The following KCNIP4 variants were observed in gnomAD, a reference collection of about 807,000 sequenced individuals.
The protein encoded by KCNIP4 is potassium voltage-gated channel interacting protein 4, also known as Kv channel-interacting protein 4.
In KCNIP4, 12 loss-of-function variants were observed where a neutral mutation model predicts 34.0. The observed-to-expected ratio is 0.35, with a 90% CI of 0.23 to 0.57. The LOEUF (loss-of-function observed/expected upper bound fraction) is 0.57. Ranked by LOEUF, KCNIP4 falls within the 20% of genes least tolerant of loss-of-function variation. The pLI is 0.83. For synonymous variants in KCNIP4, 124 were observed against 102.2 expected (o/e 1.21, Z -1.29); for missense variants, 238 against 311.7 (o/e 0.76, Z 1.78).
intron 1 of KCNIP4, among the ~76,000 whole-genome samples, chr4:21,463,929 A>G (rs997983971): frequency 6.6e-5 from 10 of 152,026 alleles, no homozygotes; most frequent in Non-Finnish European, 1.0e-4. Flanking sequence ...ACTTTGAATC[A>G]ATGGTGGTTG....
At chr4:21,075,236 G>T (rs1361814123) in intron 1 of KCNIP4, among the ~76,000 whole-genome samples, 2 of 152,054 alleles carry the variant, frequency 1.3e-5, no homozygotes, top group African/African-American at 2.4e-5. Context: ...TTGACAGTGG[G>T]GTGTTAAAGT....
At chr4:21,926,495 C>T (rs964729257) in intron 1 of KCNIP4, among the ~76,000 whole-genome samples, 6 of 152,114 alleles carry the variant, frequency 3.9e-5, no homozygotes, top group Non-Finnish European at 5.9e-5. Context: ...TTTAAAGAAC[C>T]CTCATAATCA....
chr4:20,771,871 C>T (rs924560441), intron 3 of KCNIP4, among the ~76,000 whole-genome samples: 1 of 151,966 alleles, frequency 6.6e-6, no homozygotes, highest in Non-Finnish European at 1.5e-5. Context: ...GGGGTTTCAC[C>T]GTGTTAGCCA....
At chr4:21,922,375 T>G (rs1490003831) in intron 1 of KCNIP4, among the ~76,000 whole-genome samples, 2 of 152,316 alleles carry the variant, frequency 1.3e-5, no homozygotes, top group East Asian at 3.9e-4. Flanking sequence ...CTAGACACAA[T>G]ACACATGCCC....
intron 1 of KCNIP4, among the ~76,000 whole-genome samples, chr4:21,409,713 G>A (rs1004372734): frequency 1.3e-5 from 2 of 152,100 alleles, no homozygotes; most frequent in African/African-American, 4.8e-5. Flanking sequence ...GGAAAAAAGG[G>A]GTCGATAAAA....
chr4:21,303,735 C>G, intron 1 of KCNIP4: 1 of 1,245,440 alleles, frequency 8.0e-7, no homozygotes, highest in Non-Finnish European at 1.2e-6. Context: ...TCAGGTGCCT[C>G]TTACATTCAC....
intron 1 of KCNIP4, among the ~76,000 whole-genome samples, chr4:21,433,459 C>CAAACATA (rs1188671224): frequency 6.6e-6 from 1 of 152,078 alleles, no homozygotes; most frequent in Non-Finnish European, 1.5e-5. Flanking sequence ...AACAAAGAAA[C>CAAACATA]AAACATAAAA....
At chr4:21,459,668 A>G (rs895150440) in intron 1 of KCNIP4, among the ~76,000 whole-genome samples, 1 of 151,950 alleles carries the variant, frequency 6.6e-6, no homozygotes, top group African/African-American at 2.4e-5. Flanking sequence ...CTTACTCCCA[A>G]ATATGCTCCT....
At chr4:21,893,039 A>C (rs573741996) in intron 1 of KCNIP4, among the ~76,000 whole-genome samples, 5 of 152,308 alleles carry the variant, frequency 3.3e-5, no homozygotes, top group African/African-American at 1.2e-4. Context: ...TGCCAATCAC[A>C]AGTTACAGAC....
chr4:21,317,816 A>T (rs1273118042), intron 1 of KCNIP4, among the ~76,000 whole-genome samples: 1 of 152,044 alleles, frequency 6.6e-6, no homozygotes, highest in Non-Finnish European at 1.5e-5. Flanking sequence ...GTCCCAGGAG[A>T]TCTGATGTTT....
intron 1 of KCNIP4, among the ~76,000 whole-genome samples, chr4:21,825,483 T>C (rs972040676): frequency 1.3e-5 from 2 of 152,164 alleles, no homozygotes; most frequent in African/African-American, 4.8e-5. Context: ...GTGTAAGATA[T>C]TAAAAGTCAG....
chr4:20,837,306 C>T (rs191454365), intron 3 of KCNIP4, among the ~76,000 whole-genome samples: 90 of 152,274 alleles, frequency 5.9e-4, no homozygotes, highest in Non-Finnish European at 1.0e-3. Context: ...GAGTCTCACA[C>T]ACTCAGCCCA....
chr4:21,426,545 G>GT (rs1482009460), intron 1 of KCNIP4, among the ~76,000 whole-genome samples: 3 of 152,156 alleles, frequency 2.0e-5, no homozygotes, highest in Non-Finnish European at 4.4e-5. Flanking sequence ...CATTTTTGTG[G>GT]TTTTTTTATT....
chr4:21,736,581 A>T (rs1293598424), intron 1 of KCNIP4, among the ~76,000 whole-genome samples: 1 of 152,122 alleles, frequency 6.6e-6, no homozygotes, highest in African/African-American at 2.4e-5. Flanking sequence ...CTATCATCCC[A>T]TTCCTCGTTT....
intron 1 of KCNIP4, among the ~76,000 whole-genome samples, chr4:21,841,441 T>C (rs561543096): frequency 1.3e-5 from 2 of 152,286 alleles, no homozygotes; most frequent in African/African-American, 2.4e-5. Flanking sequence ...AGAATGTTCA[T>C]CCTTGTGTTG....
At chr4:21,804,714 T>C (rs1721193670) in intron 1 of KCNIP4, among the ~76,000 whole-genome samples, 2 of 152,204 alleles carry the variant, frequency 1.3e-5, no homozygotes, top group East Asian at 1.9e-4. Flanking sequence ...CCTATAGATA[T>C]GTTATCATAA....
At chr4:20,837,449 G>A (rs77294493) in intron 3 of KCNIP4, among the ~76,000 whole-genome samples, 2 of 152,098 alleles carry the variant, frequency 1.3e-5, no homozygotes, top group East Asian at 1.9e-4. Context: ...TGGGGATTGT[G>A]AAAAGCAGAA....
intron 1 of KCNIP4, among the ~76,000 whole-genome samples, chr4:21,243,464 A>G (rs968620701): frequency 6.6e-6 from 1 of 152,240 alleles, no homozygotes; most frequent in Non-Finnish European, 1.5e-5. Flanking sequence ...ACTAAAATAC[A>G]GATTGGCTTC....
At chr4:21,533,480 A>G (rs1736886296) in intron 1 of KCNIP4, among the ~76,000 whole-genome samples, 1 of 152,102 alleles carries the variant, frequency 6.6e-6, no homozygotes, top group South Asian at 2.1e-4. Context: ...CGGATGAATT[A>G]TTTTACCCCA....
Sources: gnomAD v4.1 joint callset for allele counts (sites outside exome capture counted in the v4.1 genomes callset) on GRCh38, gnomAD v4.1.1 for gene constraint, MANE v1.5 for transcripts, NCBI Gene and HGNC (gene_info 2026-07-23, HGNC 2026-07-21) for gene names.